Variants in TNS3 observed in about 807,000 individuals in gnomAD.
The protein encoded by TNS3 is tensin-3.
Under a neutral mutation model 140.9 loss-of-function variants are expected in TNS3, and 45 were observed. The ratio of observed to expected loss-of-function variants is 0.32; its 90% CI spans 0.25 to 0.41. TNS3 has a LOEUF of 0.41. TNS3 is among the 10% of genes least tolerant of loss of function. The pLI is 1.00. For missense variants in TNS3, 1,716 were observed against 1,906.7 expected (o/e 0.90, Z 1.86); for synonymous variants, 815 against 788.4 (o/e 1.03, Z -0.56).
intron 16 of TNS3, among the ~76,000 whole-genome samples, chr7:47,388,591 G>A (rs1033963874): frequency 1.1e-4 from 16 of 152,266 alleles, no homozygotes; most frequent in South Asian, 4.1e-4. Flanking sequence ...TAGGCCAGGC[G>A]TGGTGGCTCA....
intron 16 of TNS3, among the ~76,000 whole-genome samples, chr7:47,389,074 A>G (rs141624142): frequency 0.86 from 55,402 of 64,310 alleles, 24,626 homozygotes; most frequent in South Asian, 0.93. Flanking sequence ...AAGAAGAAGA[A>G]GAAGAAGAAG....
intron 13 of TNS3, among the ~76,000 whole-genome samples, chr7:47,403,683 C>A (rs145367200): frequency 1.4e-3 from 208 of 152,322 alleles, no homozygotes; most frequent in Non-Finnish European, 2.2e-3. Context: ...CTGAAAGACA[C>A]GGAAAACCAC....
At chr7:47,343,720 T>C (rs1035207615) in intron 20 of TNS3, among the ~76,000 whole-genome samples, 2 of 152,264 alleles carry the variant, frequency 1.3e-5, no homozygotes, top group African/African-American at 4.8e-5. Context: ...TCTCATGTAA[T>C]GCTCACATAA....
At chr7:47,335,374 T>G (rs944088961) in intron 20 of TNS3, among the ~76,000 whole-genome samples, 2 of 152,242 alleles carry the variant, frequency 1.3e-5, no homozygotes, top group Non-Finnish European at 2.9e-5. Context: ...CAGTCCTTCA[T>G]GCTAATCACA....
intron 20 of TNS3, among the ~76,000 whole-genome samples, chr7:47,308,126 GGT>G (rs1786866681): frequency 6.6e-6 from 1 of 152,112 alleles, no homozygotes; most frequent in African/African-American, 2.4e-5. Flanking sequence ...TTTTACACAT[GGT>G]GTGAGGCATA....
intron 20 of TNS3, among the ~76,000 whole-genome samples, chr7:47,305,372 T>G (rs1458972040): frequency 6.6e-6 from 1 of 152,210 alleles, no homozygotes; most frequent in Non-Finnish European, 1.5e-5. Flanking sequence ...TACTCTCCAC[T>G]CCATGATCTA....
At chr7:47,290,997 T>TA (rs924197053) in intron 27 of TNS3, among the ~76,000 whole-genome samples, 11 of 149,218 alleles carry the variant, frequency 7.4e-5, no homozygotes, top group South Asian at 2.1e-4. Flanking sequence ...TATTTGCTGC[T>TA]AAAAAAAAAT....
chr7:47,470,646 C>T (rs763548724), intron 4 of TNS3: 28 of 985,336 alleles, frequency 2.8e-5, no homozygotes, highest in Non-Finnish European at 3.4e-5. Context: ...CCCTGAACCA[C>T]AGACGCAGGT....
intron 10 of TNS3, among the ~76,000 whole-genome samples, chr7:47,422,450 C>T (rs1469367018): frequency 1.3e-5 from 2 of 151,928 alleles, no homozygotes; most frequent in African/African-American, 4.8e-5. Context: ...ACTGTCTCCA[C>T]AAAAATTTTA....
chr7:47,409,347 G>A (rs34998977), intron 13 of TNS3, among the ~76,000 whole-genome samples: 1 of 151,996 alleles, frequency 6.6e-6, no homozygotes, highest in Non-Finnish European at 1.5e-5. Flanking sequence ...CCTGGTCTCA[G>A]GAAGACCCTG....
intron 8 of TNS3, among the ~76,000 whole-genome samples, chr7:47,431,570 T>A (rs1459426286): frequency 6.6e-6 from 1 of 152,098 alleles, no homozygotes; most frequent in South Asian, 2.1e-4. Context: ...TCCAGCCTGG[T>A]GACAGAGTGA....
intron 18 of TNS3, among the ~76,000 whole-genome samples, chr7:47,345,520 CT>C (rs1428988406): frequency 6.6e-6 from 1 of 152,086 alleles, no homozygotes; most frequent in Non-Finnish European, 1.5e-5. Context: ...CTATGAATAG[CT>C]TTTTTTTCTT....
intron 3 of TNS3, among the ~76,000 whole-genome samples, chr7:47,502,888 CA>C (rs1364026441): frequency 6.6e-6 from 1 of 152,168 alleles, no homozygotes; most frequent in Non-Finnish European, 1.5e-5. Flanking sequence ...AAGAAGGGTG[CA>C]AACCGAGGCA....
At chr7:47,465,608 T>C (rs777499871) in intron 4 of TNS3, among the ~76,000 whole-genome samples, 1 of 152,066 alleles carries the variant, frequency 6.6e-6, no homozygotes, top group Non-Finnish European at 1.5e-5. Flanking sequence ...CATCACTTCA[T>C]CCATAAATAT....
At chr7:47,497,785 T>C (rs1798069657) in intron 3 of TNS3, among the ~76,000 whole-genome samples, 1 of 152,060 alleles carries the variant, frequency 6.6e-6, no homozygotes, top group East Asian at 1.9e-4. Context: ...GCCTTGCTGC[T>C]CTGTCCCCTG....
chr7:47,370,685 A>C (rs1178872624), intron 16 of TNS3, among the ~76,000 whole-genome samples: 2 of 152,168 alleles, frequency 1.3e-5, no homozygotes, highest in Non-Finnish European at 2.9e-5. Context: ...GCCTCACCCC[A>C]TGGGCCTCCC....
chr7:47,389,098 G>GGAAGAGGAAGCA (rs1562675472), intron 16 of TNS3, among the ~76,000 whole-genome samples: 1 of 35,978 alleles, frequency 2.8e-5, no homozygotes, highest in African/African-American at 2.2e-4. Flanking sequence ...AAGAGGAAGA[G>GGAAGAGGAAGCA]GAAGCGGAAG....
In TNS3 at chr7:47,293,741, G is replaced by A; in HGVS notation, c.3764C>T (p.Pro1255Leu). The change falls in exon 25 of 31, where the codon CCA (proline) becomes CTA (leucine). Residue 1255 changes from proline to leucine, a missense_variant. Coordinates refer to ENST00000311160, the MANE Select transcript of TNS3 (RefSeq NM_022748.12). ...CCTCTCAAGCAACTCACCGAAATATGGTTCATTCGAGCACCCTTTCAACCG... is the reference window on the plus strand; with the variant it reads ...CCTCTCAAGCAACTCACCGAAATATAGTTCATTCGAGCACCCTTTCAACCG... The part of the protein sequence containing the change: ...GVRLKGCSNE[P>L]YFGSLTALVC... 1 of 1,614,006 alleles carries A rather than the reference G, an allele frequency of 6.2e-7. No individual in the cohort carries two copies. The highest frequency in any genetic ancestry group is 1.7e-5 in the Admixed American group (1 of 60,024).
chr7:47,424,231 A>G (rs745919623), intron 9 of TNS3, 47 bp from the exon 10 acceptor site: 4 of 1,594,666 alleles, frequency 2.5e-6, no homozygotes, highest in Non-Finnish European at 2.6e-6. Context: ...TGGAGCCCAC[A>G]CCACGTGGGT....
Sources: gnomAD v4.1 joint callset for allele counts (sites outside exome capture counted in the v4.1 genomes callset) on GRCh38, gnomAD v4.1.1 for gene constraint, MANE v1.5 for transcripts, NCBI Gene and HGNC (gene_info 2026-07-23, HGNC 2026-07-21) for gene names.